The following TANC2 variants were observed in gnomAD, a reference collection of about 807,000 sequenced individuals.
TANC2 encodes tetratricopeptide repeat, ankyrin repeat and coiled-coil containing 2, also known as protein TANC2.
A neutral mutation model predicts 210.5 loss-of-function variants in TANC2; 26 were observed. The observed-to-expected ratio is 0.12, with a 90% CI of 0.09 to 0.17. TANC2 has a LOEUF of 0.17. TANC2 is among the 10% of genes least tolerant of loss of function. The probability of loss-of-function intolerance (pLI) is 1.00; values close to 1 mark genes in which losing one functional copy is unlikely to be tolerated. For missense variants in TANC2, 2,129 were observed against 2,608.9 expected, an observed-to-expected ratio of 0.82 and a Z score of 4.01; for synonymous variants, 931 against 967.1, an observed-to-expected ratio of 0.96 and a Z score of 0.69.
At chr17:63,230,738 A>G (rs2042452892) in intron 7 of TANC2, among the ~76,000 whole-genome samples, 1 of 152,122 alleles carries the variant, frequency 6.6e-6, no homozygotes, top group South Asian at 2.1e-4. Flanking sequence ...AAGAATGTAT[A>G]TTCTGTTGTT....
chr17:63,411,620 A>C (rs2048705263), exon 22 of TANC2: 3 of 1,614,004 alleles, frequency 1.9e-6, no homozygotes, highest in Non-Finnish European at 2.5e-6. Context: ...GAGCTGCCAC[A>C]GACCATGCTG....
rs1451968585 is a variant in TANC2, at chr17:63,375,166, T to C, written c.2583-4552T>C. On this transcript the variant is annotated intron_variant, in intron 14 of 27. Coordinates refer to ENST00000689528, the Ensembl canonical transcript of TANC2. ...GGAGCTAATATAGAATGTACATTGC[T>C]GTTTCCCCTTATGTCCTACATACCA... 2.6e-5 allele frequency among the ~76,000 whole-genome samples: 4 copies of C among 152,238 alleles called. No individual in the cohort carries two copies. The East Asian group carries it at 5.8e-4, about 22-fold the overall frequency.
intron 17 of TANC2, chr17:63,393,397 T>C (rs1267728707): frequency 1.3e-5 from 2 of 152,228 alleles, no homozygotes; most frequent in Non-Finnish European, 2.9e-5. Context: ...TCAGTGATGA[T>C]GCGACATTGT....
At chr17:63,404,140 C>T (rs968732841) in intron 19 of TANC2, among the ~76,000 whole-genome samples, 5 of 152,168 alleles carry the variant, frequency 3.3e-5, no homozygotes, top group African/African-American at 1.2e-4. Context: ...TATCCTCTTC[C>T]TTTAAAATGA....
chr17:63,094,808 C>T (rs1052059790), intron 3 of TANC2, among the ~76,000 whole-genome samples: 1 of 152,128 alleles, frequency 6.6e-6, no homozygotes, highest in Non-Finnish European at 1.5e-5. Flanking sequence ...CACCAGGTGT[C>T]CAGCATAACT....
intron 6 of TANC2, among the ~76,000 whole-genome samples, chr17:63,198,406 G>T (rs2041416787): frequency 6.6e-6 from 1 of 152,056 alleles, no homozygotes. Context: ...TGTTGGCCAG[G>T]CTGGTCTCAA....
chr17:63,206,352 A>G (rs1031893925), intron 7 of TANC2, among the ~76,000 whole-genome samples: 11 of 152,212 alleles, frequency 7.2e-5, no homozygotes, highest in Admixed American at 1.3e-4. Flanking sequence ...TCTTCTAAGT[A>G]TATACCTGAA....
intron 3 of TANC2, among the ~76,000 whole-genome samples, chr17:63,096,447 A>C (rs921316650): frequency 6.6e-6 from 1 of 152,198 alleles, no homozygotes; most frequent in South Asian, 2.1e-4. Context: ...TGGAGAGAAC[A>C]TGGCAGATTG....
Position 63,381,512 on chromosome 17 carries a change from AATAT to A in TANC2, c.2691+1688_2691+1691del, listed in dbSNP as rs2047607773. On this transcript the variant is annotated intron_variant, in intron 15 of 27. Coordinates refer to ENST00000689528, the Ensembl canonical transcript of TANC2. ...CTGCACCAGCTGTGGGTCAAAGACA[AATAT>A]AGACTTTATGGTTAGAAATAGTTCC... 7 of 152,324 alleles carry A rather than the reference AATAT, an allele frequency of 4.6e-5. No homozygotes were observed. The South Asian group carries it at 1.2e-3, about 27-fold the overall frequency. 9.4% of individuals were successfully genotyped at this position (152,324 alleles called of 1,614,324 possible).
chr17:62,981,893 G>A (rs2032320648), intron 1 of TANC2, among the ~76,000 whole-genome samples: 1 of 152,110 alleles, frequency 6.6e-6, no homozygotes, highest in African/African-American at 2.4e-5. Context: ...CATAAGGCCG[G>A]GAGACTCCTA....
At chr17:63,351,298 A>G in exon 13 of TANC2, 2 of 1,610,164 alleles carry the variant, frequency 1.2e-6, no homozygotes, top group Non-Finnish European at 1.7e-6. Flanking sequence ...GATGGATTAA[A>G]TGAAGCAGAA....
At chr17:63,186,773 C>G (rs549912441) in intron 5 of TANC2, among the ~76,000 whole-genome samples, 1 of 152,284 alleles carries the variant, frequency 6.6e-6, no homozygotes, top group Admixed American at 6.5e-5. Flanking sequence ...TAGCCTAATG[C>G]GTAAACACAC....
chr17:63,426,444 T>A (rs1424082158), exon 28 of TANC2: 9 of 152,226 alleles, frequency 5.9e-5, no homozygotes, highest in Non-Finnish European at 1.5e-5. Context: ...GCTACTTGAA[T>A]AATCACTGGG....
At chr17:63,339,459 T>G (rs2046154277) in intron 11 of TANC2, among the ~76,000 whole-genome samples, 1 of 152,160 alleles carries the variant, frequency 6.6e-6, no homozygotes, top group East Asian at 1.9e-4. Flanking sequence ...CTTATAAATT[T>G]TCCATGTTCT....
intron 8 of TANC2, among the ~76,000 whole-genome samples, chr17:63,257,456 C>G (rs2043228699): frequency 6.6e-6 from 1 of 151,634 alleles, no homozygotes; most frequent in African/African-American, 2.4e-5. Flanking sequence ...CTCCTGGGCT[C>G]AAGTGATCCT....
At chr17:63,001,671 A>G (rs1245186549) in intron 1 of TANC2, among the ~76,000 whole-genome samples, 1 of 151,780 alleles carries the variant, frequency 6.6e-6, no homozygotes, top group Non-Finnish European at 1.5e-5. Flanking sequence ...CAGACTCCCA[A>G]GTAGCTGGGA....
intron 7 of TANC2, among the ~76,000 whole-genome samples, chr17:63,212,853 G>T (rs1299566774): frequency 6.6e-6 from 1 of 152,102 alleles, no homozygotes; most frequent in African/African-American, 2.4e-5. Context: ...CACCTATCAG[G>T]ACTACTTTCA....
chr17:63,376,198 C>T (rs1598974183), intron 14 of TANC2, among the ~76,000 whole-genome samples: 1 of 151,744 alleles, frequency 6.6e-6, no homozygotes, highest in African/African-American at 2.4e-5. Flanking sequence ...CTTTGGGAGG[C>T]CAAGGCGGGT....
At chr17:63,224,775 C>T (rs2042286756) in intron 7 of TANC2, among the ~76,000 whole-genome samples, 1 of 152,134 alleles carries the variant, frequency 6.6e-6, no homozygotes, top group African/African-American at 2.4e-5. Context: ...ATTAGGCCTC[C>T]AGGGAGTGGA....
Sources: allele counts gnomAD v4.1 joint callset (sites outside exome capture counted in the v4.1 genomes callset), GRCh38; gene constraint gnomAD v4.1.1; transcripts MANE v1.5; gene names NCBI Gene and HGNC (gene_info 2026-07-23, HGNC 2026-07-21).